DHX8: variants seen among roughly 807,000 people sequenced by gnomAD.
The protein encoded by DHX8 is ATP-dependent RNA helicase DHX8.
DHX8 carries 67 observed loss-of-function variants against 140.7 expected under a neutral mutation model. That is an observed-to-expected ratio of 0.48 (90% CI 0.39 to 0.58). DHX8 has a LOEUF of 0.58. DHX8 is among the 20% of genes least tolerant of loss of function. The pLI, the probability that DHX8 is intolerant of heterozygous loss-of-function variation, is 0.00. For missense variants in DHX8, 887 were observed against 1,550.7 expected (o/e 0.57, Z 7.19); for synonymous variants, 533 against 553.2 (o/e 0.96, Z 0.51).
chr17:43,495,650 A>G (rs1372576766), intron 8 of DHX8, among the ~76,000 whole-genome samples: 1 of 152,040 alleles, frequency 6.6e-6, no homozygotes, highest in Non-Finnish European at 1.5e-5. Flanking sequence ...TCCTGGGGAT[A>G]ATACTTTTGA....
chr17:43,515,101 A>G (rs1970038189), intron 17 of DHX8, among the ~76,000 whole-genome samples: 1 of 152,050 alleles, frequency 6.6e-6, no homozygotes, highest in Non-Finnish European at 1.5e-5. Context: ...AATCTTTTAC[A>G]GTGGGTATGT....
intron 11 of DHX8, among the ~76,000 whole-genome samples, chr17:43,500,320 A>G (rs1969111403): frequency 6.6e-6 from 1 of 152,044 alleles, no homozygotes; most frequent in South Asian, 2.1e-4. Flanking sequence ...CCAAGTCTCT[A>G]CTAAAAAAAT....
Position 43,493,719 on chromosome 17 carries a change from A to C in DHX8, c.1045A>C (p.Asn349His). 2 of 1,614,216 alleles carry C rather than the reference A, an allele frequency of 1.2e-6. No individual in the cohort carries two copies. The highest frequency in any genetic ancestry group is 1.7e-6 in the Non-Finnish European group (2 of 1,180,036). Reference protein sequence around the residue: ...DQETGEDLNPNRRRNLVGETN... With the variant: ...DQETGEDLNPHRRRNLVGETN... ...AGAGACTGGAGAAGATCTAAACCCA[A>C]ATAGACGGCGAAATCTTGTCGGGGA... Residue 349 changes from asparagine (N) to histidine (H), a missense_variant, in exon 8 of 23, where the codon AAT becomes CAT. This residue lies in a region of DHX8 where 98 missense variants were observed against 152.7 expected (regional missense o/e 0.64). Transcript: ENST00000262415.
chr17:43,526,644 CCTTT>C, downstream of DHX8: 1 of 1,530,206 alleles, frequency 6.5e-7, no homozygotes, highest in Non-Finnish European at 8.8e-7. Flanking sequence ...CTTGTGGAGA[CCTTT>C]CTTTCCCTGG....
Position 43,508,658 on chromosome 17 carries a change from C to A in DHX8, c.2502+138C>A, listed in dbSNP as rs183120302. ...TTTCCTCGAGGCAGAGTCTCGCTCT[C>A]ACCCAGGCAGGAGTGCAATGGCACC... On this transcript the variant is annotated intron_variant, in intron 16 of 22. Coordinates refer to ENST00000262415, the MANE Select transcript of DHX8 (RefSeq NM_004941.3). 4.3e-3 allele frequency: 2,458 copies of A among 575,460 alleles called. 9 individuals are homozygous for A. Among genetic ancestry groups the A allele is most frequent in the Admixed American group, 6.2e-3 (170 of 27,590 alleles). 35.6% of individuals were successfully genotyped at this position (575,460 alleles called of 1,614,324 possible).
In DHX8 at chr17:43,493,453, G is replaced by A. The variant is rs767735314; in HGVS notation, c.872G>A (p.Trp291Ter). The A allele has an allele frequency of 1.2e-6, 2 of 1,614,136 alleles. No individual in the cohort carries two copies. Among genetic ancestry groups the A allele is most frequent in the Admixed American group, 3.3e-5 (2 of 60,018 alleles). ...FVQLEGLRKR[W>*]EGLVHISELR... is the part of the protein sequence containing the mutation. ...GTCTGGCTCTCCCTCAGGAAGCGGT[G>A]GGAAGGCCTGGTGCACATCTCTGAG... is the stretch of plus-strand genomic sequence containing the variant. The change falls in exon 7 of 23, where the codon TGG becomes TAG. Residue 291 changes from tryptophan (W) to a stop codon, truncating the protein, a stop_gained. Coordinates refer to ENST00000262415, the MANE Select transcript of DHX8 (RefSeq NM_004941.3). LOFTEE classifies it high-confidence loss of function.
intron 1 of DHX8, among the ~76,000 whole-genome samples, chr17:43,487,112 A>G (rs7212154): frequency 2.0e-4 from 31 of 152,344 alleles, no homozygotes; most frequent in African/African-American, 7.0e-4. Flanking sequence ...ATTGTAAAAC[A>G]TGACAATAAT....
At chr17:43,494,083 G>T (rs1968701532) in intron 8 of DHX8, among the ~76,000 whole-genome samples, 197 bp downstream of exon 8, 1 of 152,186 alleles carries the variant, frequency 6.6e-6, no homozygotes, top group Non-Finnish European at 1.5e-5. Context: ...ATTCCACTTG[G>T]TTGGGGAGGC....
chr17:43,531,788 A>C (rs1455219369), downstream of DHX8, among the ~76,000 whole-genome samples: 1 of 152,196 alleles, frequency 6.6e-6, no homozygotes, highest in African/African-American at 2.4e-5. Flanking sequence ...TTTCAAATTC[A>C]TGTTTCTCTT....
rs1243142732 is a variant in DHX8 at position 43,521,472 on chromosome 17, T to C, written c.3170T>C (p.Phe1057Ser). 1 of 1,613,774 alleles carries C rather than the reference T, an allele frequency of 6.2e-7. No homozygotes were observed. Among genetic ancestry groups the C allele is most frequent in the Non-Finnish European group, 8.5e-7 (1 of 1,179,952 alleles). Residue 1057 changes from phenylalanine to serine, a missense_variant, in exon 21 of 23, where the codon TTC (phenylalanine) becomes TCC (serine). Physicochemically the swap from Phe to Ser is radical, Grantham distance 155. Around this residue, in one of 9 missense-constraint regions of DHX8, gnomAD observed 101 missense variants for 168.2 expected, o/e 0.60. Coordinates refer to ENST00000262415, the MANE Select transcript of DHX8 (RefSeq NM_004941.3). ...TACAACTCCTGGAAGAACAACAAGT[T>C]CTCCAACCCATGGTGCTATGAGAAC... ...AVYNSWKNNKFSNPWCYENFI... is the reference protein window; with the variant it reads ...AVYNSWKNNKSSNPWCYENFI...
intron 3 of DHX8, among the ~76,000 whole-genome samples, chr17:43,541,895 G>A (rs1473703545): frequency 6.6e-6 from 1 of 152,134 alleles, no homozygotes; most frequent in Non-Finnish European, 1.5e-5. Context: ...GATTAGGGAG[G>A]AGATTAACCT....
Position 43,525,004 on chromosome 17 carries a change from G to A in DHX8, c.*1157G>A. 12 of 984,956 alleles carry A rather than the reference G, an allele frequency of 1.2e-5. No individual in the cohort carries two copies. Among genetic ancestry groups the A allele is most frequent in the Non-Finnish European group, 1.4e-5 (12 of 829,812 alleles). 61.0% of individuals were successfully genotyped at this position (984,956 alleles called of 1,614,324 possible). On this transcript the variant is annotated 3_prime_UTR_variant, in exon 23 of 23. Transcript: ENST00000262415. ...AGATGGGTTCCCACTGTGCTGCCCA[G>A]GCTGCTCTCCAATCCCTGGCGTCAA... is the stretch of plus-strand genomic sequence containing the variant.
At chr17:43,495,347 T>C (rs1968794832) in intron 8 of DHX8, among the ~76,000 whole-genome samples, 1 of 152,222 alleles carries the variant, frequency 6.6e-6, no homozygotes, top group Non-Finnish European at 1.5e-5. Context: ...GGCATGACCA[T>C]GGCTCACTGC....
chr17:43,531,669 C>CA (rs1187774628), downstream of DHX8, among the ~76,000 whole-genome samples: 6 of 152,156 alleles, frequency 3.9e-5, no homozygotes, highest in African/African-American at 1.4e-4. Flanking sequence ...GACTCCATCT[C>CA]AAAACAAACA....
intron 9 of DHX8, among the ~76,000 whole-genome samples, chr17:43,498,247 C>T (rs1160037798): frequency 1.3e-5 from 2 of 151,420 alleles, no homozygotes; most frequent in African/African-American, 2.4e-5. Context: ...CGGGTTCAAG[C>T]GATCCTCCTG....
intron 2 of DHX8, chr17:43,533,990 G>C (rs766977727): frequency 1.0e-5 from 16 of 1,524,104 alleles, no homozygotes; most frequent in East Asian, 2.6e-5. Flanking sequence ...AAGCTACTGT[G>C]GGGGTGGAGG....
intron 17 of DHX8, among the ~76,000 whole-genome samples, chr17:43,516,741 G>A (rs1286160666): frequency 6.6e-6 from 1 of 152,160 alleles, no homozygotes; most frequent in East Asian, 1.9e-4. Flanking sequence ...AAGCCACGAC[G>A]CTTGGCCTGC....
chr17:43,490,331 A>T, intron 2 of DHX8, 60 bp from the exon 3 acceptor site: 1 of 1,311,930 alleles, frequency 7.6e-7, no homozygotes, highest in Non-Finnish European at 1.1e-6. Context: ...TTTGCCTTTT[A>T]AGTGTATTTA....
chr17:43,492,923 G>C lies in DHX8; in HGVS notation c.746G>C (p.Trp249Ser), dbSNP rs751851397. 55 of 1,614,076 alleles carry C rather than the reference G, an allele frequency of 3.4e-5. No individual in the cohort carries two copies. The highest frequency in any genetic ancestry group is 4.3e-5 in the Non-Finnish European group (51 of 1,180,050). Residue 249 changes from tryptophan (W) to serine (S), a missense_variant, in exon 6 of 23, where the codon TGG becomes TCG. By Grantham distance (177) the Trp-to-Ser change is radical (BLOSUM62 -3). This residue lies in a region of DHX8 where 304 missense variants were observed against 306.9 expected (regional missense o/e 0.99). Transcript: ENST00000262415. ...DKYGERNLDRWRDKHVDRPPP... is the reference protein window; with the variant it reads ...DKYGERNLDRSRDKHVDRPPP... ...TATGGAGAGCGGAATCTGGATAGAT[G>C]GCGGGATAAGCATGTGGACCGCCCT...
Sources: allele counts gnomAD v4.1 joint callset (sites outside exome capture counted in the v4.1 genomes callset), GRCh38; gene constraint gnomAD v4.1.1; regional missense constraint gnomAD v4.1.1; transcripts MANE v1.5; gene names NCBI Gene and HGNC (gene_info 2026-07-23, HGNC 2026-07-21).